Variants in HHAT observed in about 807,000 individuals in gnomAD.
HHAT encodes protein-cysteine N-palmitoyltransferase HHAT.
In HHAT, 47 loss-of-function variants were observed where a neutral mutation model predicts 70.8. That is an observed-to-expected ratio of 0.66 (90% CI 0.53 to 0.85). HHAT has a LOEUF of 0.85. HHAT is among the 40% of genes least tolerant of loss of function. The pLI is 0.00. For synonymous variants in HHAT, 228 were observed against 247.6 expected (o/e 0.92, Z 0.74); for missense variants, 609 against 604.8 (o/e 1.01, Z -0.07).
At chr1:210,428,112 A>G (rs538409404) in intron 7 of HHAT, among the ~76,000 whole-genome samples, 5 of 118,400 alleles carry the variant, frequency 4.2e-5, no homozygotes, top group African/African-American at 1.2e-4. Flanking sequence ...TAGGATTACA[A>G]TCCCTGATTT....
chr1:210,627,644 A>G (rs1329543789), intron 11 of HHAT, among the ~76,000 whole-genome samples: 3 of 152,128 alleles, frequency 2.0e-5, no homozygotes, highest in African/African-American at 7.2e-5. Context: ...TCATCCACAA[A>G]ACAGTTTTGG....
intron 2 of HHAT, among the ~76,000 whole-genome samples, chr1:210,360,602 GC>G (rs1158538098): frequency 6.6e-6 from 1 of 152,050 alleles, no homozygotes; most frequent in Non-Finnish European, 1.5e-5. Context: ...GAGCTACCGC[GC>G]CTGGCCGAGG....
intron 9 of HHAT, among the ~76,000 whole-genome samples, chr1:210,553,125 G>A (rs994971798): frequency 6.6e-6 from 1 of 152,208 alleles, no homozygotes; most frequent in Non-Finnish European, 1.5e-5. Flanking sequence ...CCTTTAAGGG[G>A]AGAGGAAGAT....
intron 10 of HHAT, 114 bp downstream of exon 10, chr1:210,588,213 TG>T (rs1243870882): frequency 1.1e-6 from 1 of 883,228 alleles, no homozygotes; most frequent in African/African-American, 1.7e-5. Flanking sequence ...TCTACTAGGT[TG>T]GTTCAAAGTC....
chr1:210,531,406 T>C (rs1357110826), intron 9 of HHAT, among the ~76,000 whole-genome samples: 2 of 152,188 alleles, frequency 1.3e-5, no homozygotes, highest in Non-Finnish European at 2.9e-5. Flanking sequence ...TTTCAGATAG[T>C]CTCTAACATT....
chr1:210,357,579 T>G (rs1260273703), intron 2 of HHAT, among the ~76,000 whole-genome samples: 7 of 152,210 alleles, frequency 4.6e-5, no homozygotes, highest in Non-Finnish European at 1.0e-4. Flanking sequence ...CCCAGCACTT[T>G]GGGAGGCCGA....
intron 7 of HHAT, among the ~76,000 whole-genome samples, chr1:210,438,379 C>T (rs1313545580): frequency 6.6e-6 from 1 of 151,730 alleles, no homozygotes; most frequent in East Asian, 1.9e-4. Flanking sequence ...ATATCACCTC[C>T]AAATTCCGAA....
intron 10 of HHAT, among the ~76,000 whole-genome samples, chr1:210,620,980 C>T (rs779091656): frequency 1.3e-5 from 2 of 151,498 alleles, no homozygotes; most frequent in Non-Finnish European, 2.9e-5. Flanking sequence ...AAAGGAAGCA[C>T]GGTAGGAGCT....
At chr1:210,454,781 G>A (rs1010715900) in intron 7 of HHAT, among the ~76,000 whole-genome samples, 6 of 152,138 alleles carry the variant, frequency 3.9e-5, no homozygotes, top group African/African-American at 1.2e-4. Flanking sequence ...TTTAAAGAGG[G>A]ACATTTTGGT....
intron 9 of HHAT, among the ~76,000 whole-genome samples, chr1:210,538,922 C>G (rs2148655084): frequency 6.6e-6 from 1 of 152,250 alleles, no homozygotes; most frequent in South Asian, 2.1e-4. Flanking sequence ...ACCAAAAATA[C>G]AAAAATTAGC....
intron 9 of HHAT, among the ~76,000 whole-genome samples, chr1:210,536,140 G>C: frequency 6.6e-6 from 1 of 152,204 alleles, no homozygotes; most frequent in East Asian, 1.9e-4. Context: ...TACGTTTAGA[G>C]CTTTAGTAAG....
At position 210,510,476 on chromosome 1, in the gene HHAT, G is replaced by A. The variant is rs189927985; in HGVS notation, c.1008-2677G>A. Among the ~76,000 whole-genome samples, 231 of 152,236 alleles carry A rather than the reference G, an allele frequency of 1.5e-3. 1 individual carries two copies. The highest frequency in any genetic ancestry group is 2.7e-3 in the Non-Finnish European group (185 of 68,012). ...GCTAGCTGAGACGGAGGAGGTGGGCGGCACCTGGGGAGAAGCAGGTGGGCT... is the reference window on the plus strand; with the variant it reads ...GCTAGCTGAGACGGAGGAGGTGGGCAGCACCTGGGGAGAAGCAGGTGGGCT... On this transcript the variant is annotated intron_variant, in intron 8 of 11. Coordinates refer to ENST00000261458, the MANE Select transcript of HHAT (RefSeq NM_018194.6).
chr1:210,402,314 A>T (rs1156290459), intron 5 of HHAT, among the ~76,000 whole-genome samples: 1 of 152,154 alleles, frequency 6.6e-6, no homozygotes, highest in Non-Finnish European at 1.5e-5. Flanking sequence ...AGGACCATTG[A>T]TGTTTCCCAC....
intron 9 of HHAT, among the ~76,000 whole-genome samples, chr1:210,570,183 A>G (rs1655900195): frequency 1.3e-5 from 2 of 152,194 alleles, no homozygotes; most frequent in Non-Finnish European, 2.9e-5. Flanking sequence ...GCACTGTGAG[A>G]AGGGAGTAAT....
chr1:210,450,622 T>TTA (rs2093733802), intron 7 of HHAT, among the ~76,000 whole-genome samples: 2 of 150,940 alleles, frequency 1.3e-5, no homozygotes, highest in Non-Finnish European at 3.0e-5. Context: ...TTTTTTTTTT[T>TTA]ACATACCCCA....
intron 11 of HHAT, among the ~76,000 whole-genome samples, chr1:210,658,357 A>G (rs1317646527): frequency 6.6e-6 from 1 of 152,112 alleles, no homozygotes; most frequent in African/African-American, 2.4e-5. Flanking sequence ...AGACTTTTAT[A>G]TATTTGCAGC....
chr1:210,446,899 C>T (rs1331761199), intron 7 of HHAT, among the ~76,000 whole-genome samples: 1 of 152,156 alleles, frequency 6.6e-6, no homozygotes, highest in Non-Finnish European at 1.5e-5. Flanking sequence ...GCCTTCCATC[C>T]CAGAGTCTAT....
chr1:210,491,295 G>T (rs893813212), intron 8 of HHAT, among the ~76,000 whole-genome samples: 1 of 152,114 alleles, frequency 6.6e-6, no homozygotes, highest in Non-Finnish European at 1.5e-5. Context: ...AATGCTGAGT[G>T]AAATTTTTCT....
At chr1:210,583,046 T>C (rs75241308) in intron 9 of HHAT, among the ~76,000 whole-genome samples, 1,774 of 152,324 alleles carry the variant, frequency 0.012, 35 homozygotes, top group African/African-American at 0.039. Context: ...TTTCTGGAAC[T>C]ACAACATTCT....
Sources: gnomAD v4.1 joint callset for allele counts (sites outside exome capture counted in the v4.1 genomes callset) on GRCh38, gnomAD v4.1.1 for gene constraint, MANE v1.5 for transcripts, NCBI Gene and HGNC (gene_info 2026-07-23, HGNC 2026-07-21) for gene names.